The following WDR47 variants were observed in gnomAD, a reference collection of about 807,000 sequenced individuals.
The protein encoded by WDR47 is WD repeat-containing protein 47.
In WDR47, 32 loss-of-function variants were observed where a neutral mutation model predicts 97.2. The observed-to-expected ratio is 0.33, with a 90% CI of 0.25 to 0.44. The LOEUF is 0.44. WDR47 is among the 20% of genes least tolerant of loss of function. The pLI, the probability that WDR47 is intolerant of heterozygous loss-of-function variation, is 1.00. For missense variants in WDR47, 782 were observed against 1,102.3 expected (o/e 0.71, Z 4.11); for synonymous variants, 375 against 373.5 (o/e 1.00, Z -0.05).
chr1:109,005,477 TTTC>T (rs1290355615), intron 5 of WDR47, among the ~76,000 whole-genome samples: 8 of 152,208 alleles, frequency 5.3e-5, no homozygotes, highest in Admixed American at 2.0e-4. Flanking sequence ...TTTATTTTCC[TTTC>T]TTCTAACACC....
chr1:109,026,724 T>A (rs1486598736), intron 1 of WDR47, among the ~76,000 whole-genome samples: 1 of 152,172 alleles, frequency 6.6e-6, no homozygotes, highest in East Asian at 1.9e-4. Context: ...ATACCAATGA[T>A]ACTAAACATT....
At chr1:109,010,786 G>A in intron 5 of WDR47, 130 bp downstream of exon 5, 1 of 892,154 alleles carries the variant, frequency 1.1e-6, no homozygotes, top group South Asian at 1.7e-5. Context: ...GTTTCACCGT[G>A]TTAGCCAGGA....
At position 109,023,536 on chromosome 1, in the gene WDR47, G is replaced by C. The variant is rs372850545; in HGVS notation, c.-9-15C>G. The C allele has an allele frequency of 1.2e-5, 20 of 1,605,126 alleles. No homozygotes were observed. The highest frequency in any genetic ancestry group is 1.2e-4 in the African/African-American group (9 of 74,542). On this transcript the variant is annotated splice_polypyrimidine_tract_variant and intron_variant, in intron 1 of 14. Coordinates refer to ENST00000369962, the MANE Select transcript of WDR47 (RefSeq NM_001142551.2). ...ATATTGATAGCCTAAATATGAAACAGAAAAACAATAAAGCTAGTCCTATTG... is the reference window on the plus strand; with the variant it reads ...ATATTGATAGCCTAAATATGAAACACAAAAACAATAAAGCTAGTCCTATTG...
At chr1:109,022,354 ATTT>A (rs1211042734) in intron 2 of WDR47, among the ~76,000 whole-genome samples, 1 of 152,090 alleles carries the variant, frequency 6.6e-6, no homozygotes, top group African/African-American at 2.4e-5. Flanking sequence ...TTTTTCTTTT[ATTT>A]ATCTTTCTAT....
At chr1:108,974,807 G>C in intron 13 of WDR47, 53 bp from the exon 14 acceptor site, 1 of 1,332,130 alleles carries the variant, frequency 7.5e-7, no homozygotes. Flanking sequence ...TACCCAAATG[G>C]CAACACAGCT....
Position 109,011,089 on chromosome 1 carries a change from G to C in WDR47, c.957C>G (p.Gly319=). Residue 319 remains glycine (G), a synonymous_variant, in exon 5 of 15, where the codon GGC becomes GGG. Coordinates refer to ENST00000369962, the MANE Select transcript of WDR47 (RefSeq NM_001142551.2). ...MTRSLNPALD[G]LTCGLTSHDK... Reference sequence around the variant, plus strand: ...CATGACTGGTTAGTCCACAGGTGAGGCCATCTAAAGCAGGATTCAGAGAGC... The same window carrying C: ...CATGACTGGTTAGTCCACAGGTGAGCCCATCTAAAGCAGGATTCAGAGAGC... The C allele has an allele frequency of 1.2e-6, 2 of 1,614,100 alleles. No individual in the cohort carries two copies. The highest frequency in any genetic ancestry group is 8.5e-7 in the Non-Finnish European group (1 of 1,180,026).
At position 109,010,967 on chromosome 1, in the gene WDR47, A is replaced by G. The variant is rs1303494433; in HGVS notation, c.1079T>C (p.Leu360Pro). Residue 360 changes from leucine (L) to proline (P), a missense_variant, in exon 5 of 15, where the codon CTC becomes CCC. Around this residue, in one of 3 missense-constraint regions of WDR47, gnomAD observed 428 missense variants for 584.3 expected, o/e 0.73. Transcript: ENST00000369962. The part of the protein sequence containing the change: ...YPGVQNLSRS[L>P]MLENTECHSI... ...GTGACATTCTGTATTCTCAAGCATG[A>G]GACTTCTACTGAGGTTTTGTACCCC... The G allele has an allele frequency of 2.5e-6, 4 of 1,614,066 alleles. No individual in the cohort carries two copies. Among genetic ancestry groups the G allele is most frequent in the East Asian group, 2.2e-5 (1 of 44,876 alleles).
rs185839782 is a variant in WDR47 at position 109,036,611 on chromosome 1, C to T, written c.-10+5251G>A. 4.7e-5 allele frequency among the ~76,000 whole-genome samples: 7 copies of T among 149,906 alleles called. No homozygotes were observed. The East Asian group carries it at 5.9e-4, about 13-fold the overall frequency. Reference sequence around the variant, plus strand: ...CACCACTTTGGAAGGCCGAGGCAAGCGGATCACGGGGTCAGCAGATCGAGA... The same window carrying T: ...CACCACTTTGGAAGGCCGAGGCAAGTGGATCACGGGGTCAGCAGATCGAGA... On this transcript the variant is annotated intron_variant, in intron 1 of 14. Transcript: ENST00000369962.
chr1:109,000,017 G>C (rs1660059615), intron 7 of WDR47, among the ~76,000 whole-genome samples: 1 of 152,114 alleles, frequency 6.6e-6, no homozygotes, highest in Non-Finnish European at 1.5e-5. Flanking sequence ...GATGTTCAGA[G>C]GCCTATTTAG....
rs139673049 is a variant in WDR47 at position 108,994,289 on chromosome 1, C to G, written c.1691+1291G>C. Among the ~76,000 whole-genome samples the G allele has an allele frequency of 7.0e-3, 1,064 of 152,222 alleles. 11 individuals are homozygous for G. Among genetic ancestry groups the G allele is most frequent in the Non-Finnish European group, 0.011 (743 of 68,016 alleles). On this transcript the variant is annotated intron_variant, in intron 8 of 14. Coordinates refer to ENST00000369962, the MANE Select transcript of WDR47 (RefSeq NM_001142551.2). ...GCACATGCCAGTAATCCCAGCTACT[C>G]AGGAGGCTGAGGCAGGAGAATTGTT...
chr1:109,015,764 G>GA (rs759463992), intron 3 of WDR47, among the ~76,000 whole-genome samples: 59 of 151,562 alleles, frequency 3.9e-4, no homozygotes, highest in Non-Finnish European at 6.8e-4. Flanking sequence ...AAGGTGGGTG[G>GA]ATCACGAGGT....
At chr1:109,007,930 C>T (rs951675295) in intron 5 of WDR47, among the ~76,000 whole-genome samples, 3 of 151,842 alleles carry the variant, frequency 2.0e-5, no homozygotes, top group Admixed American at 6.6e-5. Context: ...GGTGAAACCC[C>T]GGCTCTACTA....
intron 2 of WDR47, among the ~76,000 whole-genome samples, chr1:109,018,393 G>A (rs1437462847): frequency 1.3e-5 from 2 of 148,976 alleles, no homozygotes; most frequent in African/African-American, 4.9e-5. Flanking sequence ...CCAAGATCAC[G>A]CCACTGCACT....
rs754612572 is a variant in WDR47 at position 108,991,278 on chromosome 1, A to T, written c.1743T>A (p.Ser581Arg). ...IKPPLGDSPGSLSRSKGEEDD... is the reference protein window; with the variant it reads ...IKPPLGDSPGRLSRSKGEEDD... Reference sequence around the variant, plus strand: ...CCTCTTCCCCTTTCGACCTTGAAAGACTCCCTGGAGAATCTCCAAGAGGTG... The same window carrying T: ...CCTCTTCCCCTTTCGACCTTGAAAGTCTCCCTGGAGAATCTCCAAGAGGTG... Residue 581 changes from serine (S) to arginine (R), a missense_variant, in exon 9 of 15, where the codon AGT (serine) becomes AGA (arginine). Physicochemically the swap from Ser to Arg is moderately radical, Grantham distance 110. Transcript: ENST00000369962. 1.2e-6 allele frequency: 2 copies of T among 1,613,046 alleles called. No individual in the cohort carries two copies. Among genetic ancestry groups the T allele is most frequent in the Non-Finnish European group, 1.7e-6 (2 of 1,179,334 alleles).
In WDR47 at chr1:109,002,209, G is replaced by C; in HGVS notation, c.1433+15C>G. The C allele has an allele frequency of 6.5e-7, 1 of 1,547,046 alleles. No individual in the cohort carries two copies. The highest frequency in any genetic ancestry group is 8.7e-7 in the Non-Finnish European group (1 of 1,152,924). On this transcript the variant is annotated intron_variant, in intron 7 of 14. Coordinates refer to ENST00000369962, the MANE Select transcript of WDR47 (RefSeq NM_001142551.2). ...CAAATAACTCCATATTTTAAAAAGT[G>C]ATTAGAAGACCAACCTATTAAGGAA...
At chr1:109,039,102 T>A (rs1288251036) in intron 1 of WDR47, among the ~76,000 whole-genome samples, 2 of 152,212 alleles carry the variant, frequency 1.3e-5, no homozygotes, top group Admixed American at 6.6e-5. Context: ...TGAAGCCATT[T>A]AAACAGGAGA....
At chr1:108,980,727 TCAA>T (rs34767135) in intron 13 of WDR47, among the ~76,000 whole-genome samples, 16,495 of 151,050 alleles carry the variant, frequency 0.11, 1,035 homozygotes, top group African/African-American at 0.16. Flanking sequence ...AGATTCTGTC[TCAA>T]CAACAACAAC....
intron 9 of WDR47, 105 bp downstream of exon 9, chr1:108,991,149 A>C: frequency 9.3e-7 from 1 of 1,069,672 alleles, no homozygotes; most frequent in Admixed American, 2.0e-5. Context: ...GGTACTGTAC[A>C]CCACCACGTC....
intron 7 of WDR47, among the ~76,000 whole-genome samples, chr1:109,001,438 A>G (rs1386434315): frequency 6.6e-6 from 1 of 152,240 alleles, no homozygotes; most frequent in African/African-American, 2.4e-5. Context: ...TTAATACAGC[A>G]AATCAAAAAA....
Sources: allele counts gnomAD v4.1 joint callset (sites outside exome capture counted in the v4.1 genomes callset), GRCh38; gene constraint gnomAD v4.1.1; regional missense constraint gnomAD v4.1.1; transcripts MANE v1.5; gene names NCBI Gene and HGNC (gene_info 2026-07-23, HGNC 2026-07-21).